Variants in FLYWCH1 observed in about 807,000 individuals in gnomAD.
FLYWCH1 encodes FLYWCH-type zinc finger 1, also known as FLYWCH-type zinc finger-containing protein 1.
Under a neutral mutation model 66.4 loss-of-function variants are expected in FLYWCH1, and 75 were observed. That is an observed-to-expected ratio of 1.13 (90% CI 0.94 to 1.37). The LOEUF is 1.37. FLYWCH1 is among the 40% of genes most tolerant of loss of function. The probability of loss-of-function intolerance (pLI) is 0.00; values close to 1 mark genes in which losing one functional copy is unlikely to be tolerated. For synonymous variants in FLYWCH1, 595 were observed against 429.9 expected, an observed-to-expected ratio of 1.38 and a Z score of -4.75; for missense variants, 1,334 against 1,001.8, an observed-to-expected ratio of 1.33 and a Z score of -4.48.
chr16:2,921,208 A>C (rs1245698462), intron 2 of FLYWCH1, among the ~76,000 whole-genome samples: 1 of 152,190 alleles, frequency 6.6e-6, no homozygotes, highest in Non-Finnish European at 1.5e-5. Flanking sequence ...CTCCATCTAA[A>C]GTCTACAATT....
intron 2 of FLYWCH1, chr16:2,922,482 C>T (rs910525234): frequency 1.2e-5 from 3 of 243,540 alleles, no homozygotes; most frequent in African/African-American, 7.0e-5. Context: ...TCCTCATCCT[C>T]CTGCCCCTGG....
intron 2 of FLYWCH1, among the ~76,000 whole-genome samples, chr16:2,916,161 A>T (rs2070160183): frequency 6.6e-6 from 1 of 152,148 alleles, no homozygotes; most frequent in Non-Finnish European, 1.5e-5. Flanking sequence ...AGCCTGGCCA[A>T]CATGATGAAA....
intron 6 of FLYWCH1, 104 bp from the exon 7 acceptor site, chr16:2,937,017 T>TGAG: frequency 8.3e-7 from 1 of 1,209,558 alleles, no homozygotes; most frequent in Non-Finnish European, 1.1e-6. Flanking sequence ...CACCTCACTG[T>TGAG]GAGGAGGAGG....
At chr16:2,923,573 C>T (rs542568925) in intron 2 of FLYWCH1, among the ~76,000 whole-genome samples, 5 of 152,140 alleles carry the variant, frequency 3.3e-5, no homozygotes, top group Non-Finnish European at 7.3e-5. Flanking sequence ...ATGCATACTT[C>T]TCCTTTGCTG....
At chr16:2,921,244 C>T (rs2070364397) in intron 2 of FLYWCH1, among the ~76,000 whole-genome samples, 1 of 152,174 alleles carries the variant, frequency 6.6e-6, no homozygotes, top group South Asian at 2.1e-4. Flanking sequence ...ATTCAGAAAG[C>T]TGTCCAAGTA....
At chr16:2,947,870 CA>C (rs981908005) in intron 9 of FLYWCH1, among the ~76,000 whole-genome samples, 4 of 150,860 alleles carry the variant, frequency 2.7e-5, no homozygotes, top group East Asian at 1.9e-4. Flanking sequence ...CCCATCTCTA[CA>C]AAAAAAAATT....
chr16:2,915,153 T>TC (rs1567316550), intron 2 of FLYWCH1: 7 of 151,900 alleles, frequency 4.6e-5, no homozygotes, highest in African/African-American at 1.7e-4. Flanking sequence ...TTTTTTTTTT[T>TC]TCCTGAGACA....
intron 9 of FLYWCH1, among the ~76,000 whole-genome samples, chr16:2,948,035 T>C (rs1029827706): frequency 3.3e-5 from 5 of 150,970 alleles, no homozygotes; most frequent in African/African-American, 1.2e-4. Flanking sequence ...AGTGACACCA[T>C]ATCTCAAAAA....
chr16:2,923,789 G>A (rs943317527), intron 2 of FLYWCH1, among the ~76,000 whole-genome samples: 77 of 152,064 alleles, frequency 5.1e-4, no homozygotes, highest in African/African-American at 1.6e-3. Flanking sequence ...TGTAATCCCC[G>A]CACTTTGGAA....
intron 8 of FLYWCH1, among the ~76,000 whole-genome samples, chr16:2,939,183 C>T (rs958990796): frequency 1.3e-5 from 2 of 152,176 alleles, no homozygotes; most frequent in South Asian, 2.1e-4. Context: ...CAGTGGCTCA[C>T]GCCTGTAATC....
At chr16:2,920,084 G>C (rs535557802) in intron 2 of FLYWCH1, among the ~76,000 whole-genome samples, 1 of 151,882 alleles carries the variant, frequency 6.6e-6, no homozygotes, top group Admixed American at 6.6e-5. Context: ...TGAGTGGCAG[G>C]ATTAGGGGTC....
chr16:2,927,364 C>T (rs4786352), intron 2 of FLYWCH1, among the ~76,000 whole-genome samples: 74,115 of 151,956 alleles, frequency 0.49, 18,331 homozygotes, highest in South Asian at 0.54. Context: ...GGAGCACCTG[C>T]GGTGGCTAAT....
At chr16:2,934,127 C>G in intron 6 of FLYWCH1, 148 bp downstream of exon 6, 1 of 1,053,352 alleles carries the variant, frequency 9.5e-7, no homozygotes, top group Non-Finnish European at 1.3e-6. Flanking sequence ...TGGCCTCCTA[C>G]TCCTTGGCCC....
intron 2 of FLYWCH1, among the ~76,000 whole-genome samples, chr16:2,914,845 G>C (rs982404672): frequency 6.6e-6 from 1 of 150,474 alleles, no homozygotes; most frequent in Non-Finnish European, 1.5e-5. Flanking sequence ...TTCAGCGGAG[G>C]TTGCAGTGAG....
intron 4 of FLYWCH1, among the ~76,000 whole-genome samples, chr16:2,932,446 G>A (rs780777135): frequency 1.4e-4 from 22 of 152,002 alleles, no homozygotes; most frequent in Admixed American, 3.3e-4. Flanking sequence ...GGATTGTTGT[G>A]TAAATTGCAC....
At chr16:2,943,563 C>G (rs2071358640) in intron 9 of FLYWCH1, 1 of 151,730 alleles carries the variant, frequency 6.6e-6, no homozygotes, top group Admixed American at 6.6e-5. Flanking sequence ...CAACCTCCAA[C>G]ACGCTTTCAT....
intron 9 of FLYWCH1, among the ~76,000 whole-genome samples, chr16:2,944,031 G>A (rs1306956050): frequency 6.6e-6 from 1 of 152,042 alleles, no homozygotes; most frequent in Non-Finnish European, 1.5e-5. Context: ...GGGAGGTTGA[G>A]GCTGCAGTGA....
At chr16:2,925,555 C>T (rs567567842) in intron 2 of FLYWCH1, among the ~76,000 whole-genome samples, 635 of 35,644 alleles carry the variant, frequency 0.018, 7 homozygotes, top group African/African-American at 0.084. Flanking sequence ...AATCAGCGCG[C>T]GCGGGGTAGG....
chr16:2,922,582 T>C, intron 2 of FLYWCH1: 1 of 324,832 alleles, frequency 3.1e-6, no homozygotes, highest in South Asian at 2.6e-5. Flanking sequence ...CCCTTGTGCC[T>C]GGCATGTCGT....
Sources: gnomAD v4.1 joint callset for allele counts (sites outside exome capture counted in the v4.1 genomes callset) on GRCh38, gnomAD v4.1.1 for gene constraint, MANE v1.5 for transcripts, NCBI Gene and HGNC (gene_info 2026-07-23, HGNC 2026-07-21) for gene names.